Variants in PALLD observed in about 807,000 individuals in gnomAD.
PALLD encodes the protein palladin, cytoskeletal associated protein.
In PALLD, 61 loss-of-function variants were observed where a neutral mutation model predicts 123.5. The observed-to-expected ratio is 0.49, with a 90% CI of 0.40 to 0.61. The LOEUF (loss-of-function observed/expected upper bound fraction) is 0.61, where lower values mean the gene tolerates loss of function less well. Ranked by LOEUF, PALLD falls within the 20% of genes least tolerant of loss-of-function variation. The pLI is 0.00. For synonymous variants in PALLD, 465 were observed against 496.4 expected (o/e 0.94, Z 0.84); for missense variants, 1,273 against 1,377.0 (o/e 0.92, Z 1.20).
intron 10 of PALLD, among the ~76,000 whole-genome samples, chr4:168,833,266 G>C (rs1472082356): frequency 2.6e-5 from 4 of 152,090 alleles, no homozygotes; most frequent in Admixed American, 1.3e-4. Context: ...CGTCTCGGTC[G>C]GGTCTCCCTG....
intron 17 of PALLD, among the ~76,000 whole-genome samples, chr4:168,920,235 T>C (rs1761173477): frequency 1.3e-5 from 2 of 152,196 alleles, no homozygotes; most frequent in South Asian, 4.1e-4. Flanking sequence ...AGCCTGAGTG[T>C]CTCAGAAGCC....
At chr4:168,691,926 G>C (rs563064195) in intron 8 of PALLD, among the ~76,000 whole-genome samples, 4 of 152,142 alleles carry the variant, frequency 2.6e-5, no homozygotes, top group Non-Finnish European at 5.9e-5. Context: ...ATGGTTCCTC[G>C]TGGAGTGAAA....
intron 10 of PALLD, among the ~76,000 whole-genome samples, chr4:168,744,723 G>A (rs1442020146): frequency 6.6e-6 from 1 of 152,180 alleles, no homozygotes; most frequent in Non-Finnish European, 1.5e-5. Context: ...AAAGTGATAC[G>A]TATTTAGTAG....
chr4:168,688,358 C>G (rs1251228326), intron 6 of PALLD, among the ~76,000 whole-genome samples: 3 of 152,232 alleles, frequency 2.0e-5, no homozygotes, highest in Admixed American at 6.5e-5. Flanking sequence ...GTGCTCCTGC[C>G]TGCAGGCCAC....
intron 2 of PALLD, among the ~76,000 whole-genome samples, chr4:168,539,503 G>A (rs531065977): frequency 6.6e-5 from 10 of 152,054 alleles, no homozygotes; most frequent in South Asian, 4.2e-4. Context: ...CAGGAGAATC[G>A]CTTGAACCCG....
At chr4:168,910,141 T>G (rs1177268977) in intron 15 of PALLD, among the ~76,000 whole-genome samples, 1 of 152,020 alleles carries the variant, frequency 6.6e-6, no homozygotes, top group African/African-American at 2.4e-5. Flanking sequence ...GTATATATGG[T>G]TCTAAGCAGT....
At chr4:168,603,725 T>C (rs776556741) in intron 2 of PALLD, among the ~76,000 whole-genome samples, 1 of 152,216 alleles carries the variant, frequency 6.6e-6, no homozygotes, top group Non-Finnish European at 1.5e-5. Context: ...TTGTGCCCAA[T>C]GTTACACAGC....
chr4:168,922,764 T>TCCTCTAACCTCAAACTA, intron 18 of PALLD, among the ~76,000 whole-genome samples: 1 of 152,346 alleles, frequency 6.6e-6, no homozygotes, highest in South Asian at 2.1e-4. Context: ...TTGATTTCAT[T>TCCTCTAACCTCAAACTA]CCTCTAACCT....
chr4:168,517,861 C>T (rs968229804), intron 2 of PALLD, among the ~76,000 whole-genome samples: 4 of 152,128 alleles, frequency 2.6e-5, no homozygotes, highest in African/African-American at 9.7e-5. Flanking sequence ...TGACAATACA[C>T]GTGTTGTGAC....
At chr4:168,710,735 T>C (rs1261628299) in intron 9 of PALLD, among the ~76,000 whole-genome samples, 1 of 152,206 alleles carries the variant, frequency 6.6e-6, no homozygotes, top group Non-Finnish European at 1.5e-5. Context: ...GATTCCGAGT[T>C]GGCTTCAACA....
At chr4:168,563,638 TAAAGTCATATGAA>T (rs1768078996) in intron 2 of PALLD, among the ~76,000 whole-genome samples, 1 of 152,206 alleles carries the variant, frequency 6.6e-6, no homozygotes, top group Admixed American at 6.5e-5. Context: ...CATTATCAGT[TAAAGTCATATGAA>T]AAAGTGGTAA....
chr4:168,542,132 C>G (rs890149273), intron 2 of PALLD, among the ~76,000 whole-genome samples: 1 of 152,170 alleles, frequency 6.6e-6, no homozygotes, highest in Non-Finnish European at 1.5e-5. Flanking sequence ...CCACGTTTTG[C>G]AAGTGAGAAA....
At chr4:168,773,773 G>A (rs967011212) in intron 10 of PALLD, among the ~76,000 whole-genome samples, 18 of 151,830 alleles carry the variant, frequency 1.2e-4, no homozygotes, top group Non-Finnish European at 4.4e-5. Flanking sequence ...AGCCCCACCC[G>A]GCCTCCCCAC....
At position 168,927,624 on chromosome 4, in the gene PALLD, A is replaced by T; in HGVS notation, c.*1444A>T. Reference sequence around the variant, plus strand: ...TTTCAAAGACACCAAGATGTGGTAAATGAAAATTATTAGTTCACTTCCCTG... The same window carrying T: ...TTTCAAAGACACCAAGATGTGGTAATTGAAAATTATTAGTTCACTTCCCTG... On this transcript the variant is annotated 3_prime_UTR_variant, in exon 22 of 22. Transcript: ENST00000505667. The T allele has an allele frequency of 4.4e-6, 1 of 227,692 alleles. No individual in the cohort carries two copies. The allele number at this position is 227,692 out of a possible 1,614,324, so 14.1% of individuals were successfully genotyped here. A position where few individuals can be genotyped will look rare whatever the true frequency, so the allele number is the denominator to read the frequency against.
chr4:168,719,343 C>T (rs113398312), intron 10 of PALLD, among the ~76,000 whole-genome samples: 8 of 147,982 alleles, frequency 5.4e-5, no homozygotes, highest in East Asian at 2.0e-4. Flanking sequence ...CTGCAACCTC[C>T]GCCTCCTGGG....
intron 10 of PALLD, among the ~76,000 whole-genome samples, chr4:168,833,159 T>C: frequency 6.6e-6 from 1 of 152,102 alleles, no homozygotes; most frequent in East Asian, 1.9e-4. Context: ...TGGTCCAGAC[T>C]CTAGAAAGGG....
intron 10 of PALLD, among the ~76,000 whole-genome samples, chr4:168,755,048 C>T (rs1044435818): frequency 7.9e-5 from 12 of 152,044 alleles, no homozygotes; most frequent in East Asian, 1.9e-4. Flanking sequence ...CTGGCTAACA[C>T]GGTGAAACCC....
intron 10 of PALLD, among the ~76,000 whole-genome samples, chr4:168,761,648 T>TTTTTTTTTTTG (rs1732897859): frequency 2.9e-5 from 1 of 34,402 alleles, no homozygotes; most frequent in African/African-American, 1.3e-4. Context: ...GTTGTTTGTT[T>TTTTTTTTTTTG]TTTTTTTTTT....
intron 10 of PALLD, among the ~76,000 whole-genome samples, chr4:168,870,990 TC>T (rs1750999433): frequency 6.6e-6 from 1 of 152,222 alleles, no homozygotes; most frequent in African/African-American, 2.4e-5. Flanking sequence ...TTGAGTGGCT[TC>T]CCTGTGAGTA....
Sources: gnomAD v4.1 joint callset for allele counts (sites outside exome capture counted in the v4.1 genomes callset) on GRCh38, gnomAD v4.1.1 for gene constraint, MANE v1.5 for transcripts, NCBI Gene and HGNC (gene_info 2026-07-23, HGNC 2026-07-21) for gene names.